Variants in CNTNAP2 observed in about 807,000 individuals in gnomAD.
CNTNAP2 encodes the protein contactin-associated protein-like 2.
Under a neutral mutation model 155.2 loss-of-function variants are expected in CNTNAP2, and 98 were observed. That is an observed-to-expected ratio of 0.63 (90% CI 0.54 to 0.75). The LOEUF (loss-of-function observed/expected upper bound fraction) is 0.75, where lower values mean the gene tolerates loss of function less well. Ranked by LOEUF, CNTNAP2 falls within the 30% of genes least tolerant of loss-of-function variation. The probability of loss-of-function intolerance (pLI) is 0.00; values close to 1 mark genes in which losing one functional copy is unlikely to be tolerated. For synonymous variants in CNTNAP2, 651 were observed against 631.2 expected (o/e 1.03, Z -0.47); for missense variants, 1,727 against 1,688.1 (o/e 1.02, Z -0.40).
At chr7:148,002,234 G>A (rs1441244349) in intron 15 of CNTNAP2, among the ~76,000 whole-genome samples, 3 of 152,054 alleles carry the variant, frequency 2.0e-5, no homozygotes, top group Non-Finnish European at 2.9e-5. Flanking sequence ...CTCCAGCCAC[G>A]TGTATTTTCA....
intron 8 of CNTNAP2, among the ~76,000 whole-genome samples, chr7:147,224,526 T>C (rs1207299075): frequency 6.6e-6 from 1 of 152,186 alleles, no homozygotes; most frequent in Non-Finnish European, 1.5e-5. Flanking sequence ...TTTCTACCCT[T>C]CTTGACTAGA....
At chr7:147,743,120 C>A (rs538482625) in intron 13 of CNTNAP2, among the ~76,000 whole-genome samples, 1 of 152,316 alleles carries the variant, frequency 6.6e-6, no homozygotes, top group East Asian at 1.9e-4. Context: ...ACACTAAGGT[C>A]AAAGCCAATA....
At chr7:146,815,006 T>A (rs539918167) in intron 2 of CNTNAP2, among the ~76,000 whole-genome samples, 41 of 152,302 alleles carry the variant, frequency 2.7e-4, no homozygotes, top group Non-Finnish European at 4.9e-4. Context: ...AAAAATTAAC[T>A]CTTATTTTTC....
chr7:147,174,035 A>G (rs1015132912), intron 8 of CNTNAP2, among the ~76,000 whole-genome samples: 2 of 152,134 alleles, frequency 1.3e-5, no homozygotes, highest in Non-Finnish European at 2.9e-5. Flanking sequence ...CAGGTCCTCT[A>G]TATTCCTCCC....
chr7:146,536,635 T>C (rs953432065), intron 1 of CNTNAP2, among the ~76,000 whole-genome samples: 2 of 150,776 alleles, frequency 1.3e-5, no homozygotes, highest in Admixed American at 6.6e-5. Flanking sequence ...TGTAGCTTTA[T>C]GGAAAAGAAA....
At chr7:148,021,689 A>T (rs141888000) in intron 15 of CNTNAP2, among the ~76,000 whole-genome samples, 2 of 152,320 alleles carry the variant, frequency 1.3e-5, no homozygotes, top group East Asian at 3.9e-4. Flanking sequence ...AGGACTTGGA[A>T]CAGAGAATGC....
At chr7:148,134,148 G>T (rs563493081) in intron 16 of CNTNAP2, among the ~76,000 whole-genome samples, 41 of 152,116 alleles carry the variant, frequency 2.7e-4, no homozygotes, top group African/African-American at 9.7e-4. Flanking sequence ...TTGCCTTTGC[G>T]GATGGTGTTA....
At chr7:146,936,720 C>A (rs1160966198) in intron 3 of CNTNAP2, among the ~76,000 whole-genome samples, 1 of 152,178 alleles carries the variant, frequency 6.6e-6, no homozygotes, top group Admixed American at 6.5e-5. Context: ...ATACTTCAAC[C>A]AGTCATAGAC....
chr7:147,624,321 C>G (rs1794928979), intron 12 of CNTNAP2, among the ~76,000 whole-genome samples: 1 of 151,872 alleles, frequency 6.6e-6, no homozygotes. Flanking sequence ...AAGAGACACC[C>G]CACATAATGG....
intron 1 of CNTNAP2, among the ~76,000 whole-genome samples, chr7:146,139,560 C>T (rs1797847636): frequency 6.6e-6 from 1 of 152,042 alleles, no homozygotes; most frequent in South Asian, 2.1e-4. Context: ...CTCTGCCCAC[C>T]TTAAGAGTTT....
chr7:147,630,316 T>TAAAAAAAAAAAAAAAAAAAAAAAAGA (rs71183024), intron 12 of CNTNAP2, among the ~76,000 whole-genome samples: 2 of 73,078 alleles, frequency 2.7e-5, no homozygotes, highest in Non-Finnish European at 5.9e-5. Context: ...GAAACAGTAG[T>TAAAAAAAAAAAAAAAAAAAAAAAAGA]AAAAAAAAAA....
At chr7:148,027,782 C>T (rs754460449) in intron 15 of CNTNAP2, among the ~76,000 whole-genome samples, 28 of 152,088 alleles carry the variant, frequency 1.8e-4, no homozygotes, top group Admixed American at 3.9e-4. Context: ...CATAGCCTTT[C>T]GTGAAAGAGT....
chr7:147,741,328 A>G (rs1796952619), intron 13 of CNTNAP2, among the ~76,000 whole-genome samples: 1 of 152,184 alleles, frequency 6.6e-6, no homozygotes, highest in African/African-American at 2.4e-5. Context: ...CCAGGAATAT[A>G]AAGTCAAATA....
At chr7:147,498,466 G>A (rs534624190) in intron 11 of CNTNAP2, among the ~76,000 whole-genome samples, 33 of 152,258 alleles carry the variant, frequency 2.2e-4, no homozygotes, top group African/African-American at 6.0e-4. Flanking sequence ...GGTCATTTTC[G>A]CTAAGCTTCC....
At chr7:146,754,352 T>C (rs1801955835) in intron 1 of CNTNAP2, among the ~76,000 whole-genome samples, 1 of 151,950 alleles carries the variant, frequency 6.6e-6, no homozygotes, top group Non-Finnish European at 1.5e-5. Flanking sequence ...TAGAACATTT[T>C]CCCCTCCAAG....
intron 8 of CNTNAP2, among the ~76,000 whole-genome samples, chr7:147,166,608 A>G (rs2116465837): frequency 6.6e-6 from 1 of 152,286 alleles, no homozygotes; most frequent in East Asian, 1.9e-4. Context: ...TGTGAGCAAT[A>G]AAGCTGTTTA....
chr7:146,260,603 C>T (rs1160417312), intron 1 of CNTNAP2, among the ~76,000 whole-genome samples: 1 of 152,172 alleles, frequency 6.6e-6, no homozygotes, highest in Non-Finnish European at 1.5e-5. Context: ...GGCCAGCCTG[C>T]TGGAATTGGA....
chr7:146,296,309 T>C (rs1035614316), intron 1 of CNTNAP2, among the ~76,000 whole-genome samples: 3 of 152,138 alleles, frequency 2.0e-5, no homozygotes, highest in Admixed American at 6.6e-5. Context: ...CTCCACACTT[T>C]GGGCTACTTC....
At chr7:146,155,135 A>T (rs2116785095) in intron 1 of CNTNAP2, among the ~76,000 whole-genome samples, 1 of 152,346 alleles carries the variant, frequency 6.6e-6, no homozygotes, top group South Asian at 2.1e-4. Flanking sequence ...ATTTGTGAAA[A>T]GATACAAAGC....
Sources: allele counts gnomAD v4.1 joint callset (sites outside exome capture counted in the v4.1 genomes callset), GRCh38; gene constraint gnomAD v4.1.1; transcripts MANE v1.5; gene names NCBI Gene and HGNC (gene_info 2026-07-23, HGNC 2026-07-21).